ANKRD26: variants seen among roughly 807,000 people sequenced by gnomAD.
ANKRD26 encodes ankyrin repeat domain 26, also known as ankyrin repeat domain-containing protein 26.
A neutral mutation model predicts 208.7 loss-of-function variants in ANKRD26; 141 were observed. That is an observed-to-expected ratio of 0.68 (90% CI 0.59 to 0.78). ANKRD26 has a LOEUF of 0.78. Among genes scored for constraint, ANKRD26 ranks in the 30% least tolerant of loss-of-function variants. The pLI is 0.00. For missense variants in ANKRD26, 1,889 were observed against 1,938.7 expected, an observed-to-expected ratio of 0.97 and a Z score of 0.48; for synonymous variants, 636 against 660.4, an observed-to-expected ratio of 0.96 and a Z score of 0.57.
chr10:27,096,663 G>C (rs1206248456), intron 1 of ANKRD26, among the ~76,000 whole-genome samples: 5 of 151,594 alleles, frequency 3.3e-5, no homozygotes, highest in Non-Finnish European at 7.4e-5. Context: ...CTGTTTGGGA[G>C]GCTGAGGCAC....
At chr10:27,058,019 C>T (rs1223677663) in intron 15 of ANKRD26, among the ~76,000 whole-genome samples, 1 of 151,580 alleles carries the variant, frequency 6.6e-6, no homozygotes, top group Admixed American at 6.6e-5. Flanking sequence ...AATCTAGGTG[C>T]ACACTTGATC....
Position 27,036,882 on chromosome 10 carries a change from G to A in ANKRD26, c.2697+304C>T, listed in dbSNP as rs10829166. 0.52 allele frequency among the ~76,000 whole-genome samples: 78,207 copies of A among 151,816 alleles called. 22,459 individuals carry two copies. The highest frequency in any genetic ancestry group is 0.65 in the Non-Finnish European group (44,430 of 67,868). On this transcript the variant is annotated intron_variant, in intron 23 of 33. Transcript: ENST00000376087. Reference sequence around the variant, plus strand: ...CCAAAATCTCAAGCATCTATTGTTAGTAGCAAGGGTTTTGAGATTGTGGAA... The same window carrying A: ...CCAAAATCTCAAGCATCTATTGTTAATAGCAAGGGTTTTGAGATTGTGGAA...
intron 6 of ANKRD26, chr10:27,081,066 A>C (rs889056352): frequency 1.4e-5 from 7 of 504,820 alleles, no homozygotes; most frequent in Non-Finnish European, 1.8e-5. Flanking sequence ...GTACATTCCT[A>C]CTGGCTGTAG....
the ANKRD26 span, among the ~76,000 whole-genome samples, chr10:26,967,865 G>T: frequency 6.6e-6 from 1 of 152,030 alleles, no homozygotes; most frequent in South Asian, 2.1e-4. Context: ...TAAATCTGCA[G>T]ACTCTTCTAC....
Position 27,022,664 on chromosome 10 carries a change from G to A in ANKRD26, c.4109C>T (p.Thr1370Ile), listed in dbSNP as rs2053529351. ...TTCATATTCATTTAACTTCTTTCTTGTCATTTTTAAGAGGTTCTTAAATCT... is the reference window on the plus strand; with the variant it reads ...TTCATATTCATTTAACTTCTTTCTTATCATTTTTAAGAGGTTCTTAAATCT... ...ITGFKNLLKMTRKKLNEYENG... is the reference protein window; with the variant it reads ...ITGFKNLLKMIRKKLNEYENG... The change falls in exon 29 of 34, where the codon ACA becomes ATA. Residue 1370 changes from threonine to isoleucine, a missense_variant. Transcript: ENST00000376087. 2 of 1,586,580 alleles carry A rather than the reference G, an allele frequency of 1.3e-6. No individual in the cohort carries two copies. The highest frequency in any genetic ancestry group is 1.7e-6 in the Non-Finnish European group (2 of 1,160,644).
the ANKRD26 span, among the ~76,000 whole-genome samples, chr10:26,966,090 T>C: frequency 2.0e-5 from 3 of 152,308 alleles, no homozygotes; most frequent in Admixed American, 6.5e-5. Context: ...CTCAAGGACA[T>C]AGAACCAGAA....
intron 6 of ANKRD26, among the ~76,000 whole-genome samples, chr10:27,081,725 T>C (rs57454414): frequency 0.036 from 5,405 of 151,920 alleles, 312 homozygotes; most frequent in African/African-American, 0.12. Context: ...GTGGTATAAA[T>C]ATTCCATGGA....
chr10:27,081,243 T>A (rs2055895347), intron 6 of ANKRD26, among the ~76,000 whole-genome samples: 1 of 152,204 alleles, frequency 6.6e-6, no homozygotes, highest in Admixed American at 6.5e-5. Flanking sequence ...GTATCCTTCA[T>A]TCCAGTAATT....
At chr10:26,996,478 T>C (rs2052595432) in intron 4 of ANKRD26, among the ~76,000 whole-genome samples, 1 of 152,172 alleles carries the variant, frequency 6.6e-6, no homozygotes, top group Non-Finnish European at 1.5e-5. Context: ...AAGAATCACT[T>C]GAACCACGGA....
intron 29 of ANKRD26, among the ~76,000 whole-genome samples, chr10:27,018,141 A>T (rs914741109): frequency 7.6e-6 from 1 of 131,160 alleles, no homozygotes; most frequent in African/African-American, 2.9e-5. Context: ...ATGCCCTATA[A>T]TTTTTTTTTT....
intron 21 of ANKRD26, among the ~76,000 whole-genome samples, chr10:27,038,755 TC>T (rs777721819): frequency 2.0e-5 from 3 of 152,076 alleles, no homozygotes; most frequent in Non-Finnish European, 4.4e-5. Context: ...TGTTTATAAA[TC>T]CAATAGAAAT....
chr10:27,040,826 T>C (rs946020817), intron 20 of ANKRD26, among the ~76,000 whole-genome samples: 8 of 151,932 alleles, frequency 5.3e-5, no homozygotes, highest in Non-Finnish European at 1.0e-4. Context: ...GGTTAGGAGT[T>C]CGAGACCAGT....
downstream of ANKRD26, among the ~76,000 whole-genome samples, chr10:26,987,182 A>G (rs1471238955): frequency 2.0e-5 from 3 of 152,190 alleles, no homozygotes; most frequent in African/African-American, 7.2e-5. Context: ...TTGCAAGGAC[A>G]AAAAACCAAA....
intron 1 of ANKRD26, among the ~76,000 whole-genome samples, chr10:27,094,111 TCTC>T (rs1330120549): frequency 6.6e-6 from 1 of 152,090 alleles, no homozygotes; most frequent in Non-Finnish European, 1.5e-5. Flanking sequence ...GCTTGGCACT[TCTC>T]CTTGCTGACA....
At chr10:27,081,383 G>A (rs901656136) in intron 6 of ANKRD26, among the ~76,000 whole-genome samples, 3 of 151,626 alleles carry the variant, frequency 2.0e-5, no homozygotes, top group African/African-American at 4.9e-5. Context: ...TTCCTTTTCC[G>A]CTGGGTTCAC....
the ANKRD26 span, among the ~76,000 whole-genome samples, chr10:26,951,505 T>G: frequency 6.6e-6 from 1 of 152,258 alleles, no homozygotes; most frequent in African/African-American, 2.4e-5. Flanking sequence ...TTGTTGCTCT[T>G]GTGACTCACC....
chr10:26,976,483 G>C (rs911588403), intron 5 of ANKRD26, among the ~76,000 whole-genome samples: 4 of 152,104 alleles, frequency 2.6e-5, no homozygotes, highest in Non-Finnish European at 5.9e-5. Flanking sequence ...CCAAAGTGCT[G>C]GGATTACAGG....
chr10:27,077,646 T>C lies in ANKRD26; in HGVS notation c.861A>G (p.Gln287=). 1 of 1,613,500 alleles carries C rather than the reference T, an allele frequency of 6.2e-7. No individual in the cohort carries two copies. The highest frequency in any genetic ancestry group is 1.1e-5 in the South Asian group (1 of 91,052). ...SLAKLMTASQ[Q]SRKNLEATYG... ...CAAACAGCTTACAATTTTTCCTGGA[T>C]TGCTGAGAAGCAGTCATTAGCTTTG... The change falls in exon 8 of 34, where the codon CAA becomes CAG. Residue 287 remains glutamine (Q), a synonymous_variant. Transcript: ENST00000376087.
At chr10:26,999,139 A>G (rs2134725528), downstream of ANKRD26, among the ~76,000 whole-genome samples, 1 of 152,236 alleles carries the variant, frequency 6.6e-6, no homozygotes, top group East Asian at 1.9e-4. Context: ...CTGGCTGTTT[A>G]GTTTTTGTGC....
Sources: allele counts gnomAD v4.1 joint callset (sites outside exome capture counted in the v4.1 genomes callset), GRCh38; gene constraint gnomAD v4.1.1; transcripts MANE v1.5; gene names NCBI Gene and HGNC (gene_info 2026-07-23, HGNC 2026-07-21).